The following TOPBP1 variants were observed in gnomAD, a reference collection of about 807,000 sequenced individuals.
The protein encoded by TOPBP1 is DNA topoisomerase 2-binding protein 1.
In TOPBP1, 28 loss-of-function variants were observed where a neutral mutation model predicts 167.7. The ratio of observed to expected loss-of-function variants is 0.17; its 90% CI spans 0.12 to 0.23. The LOEUF is 0.23. Among genes scored for constraint, TOPBP1 ranks in the 10% least tolerant of loss-of-function variants. The pLI, the probability that TOPBP1 is intolerant of heterozygous loss-of-function variation, is 1.00. For missense variants in TOPBP1, 1,554 were observed against 1,809.6 expected (o/e 0.86, Z 2.56); for synonymous variants, 598 against 611.4 (o/e 0.98, Z 0.32).
chr3:133,658,808 A>AAAAAAC (rs914401823), intron 3 of TOPBP1, among the ~76,000 whole-genome samples: 4 of 152,182 alleles, frequency 2.6e-5, no homozygotes, highest in Non-Finnish European at 5.9e-5. Flanking sequence ...CTCTGTCTCC[A>AAAAAAC]AAAAACAAAA....
chr3:133,636,073 A>G (rs1169143899), intron 14 of TOPBP1, among the ~76,000 whole-genome samples: 1 of 68,322 alleles, frequency 1.5e-5, no homozygotes, highest in Non-Finnish European at 3.5e-5. Context: ...GCATAACAAA[A>G]CTATAGTTAT....
At position 133,643,373 on chromosome 3, in the gene TOPBP1, CT is replaced by C; in HGVS notation, c.1849-2del. ...AAGTCTGATAGTCTATGCAAGTAAC[CT>C]TTTAAAAACAAAAGAAATAGTAAAG... On this transcript the variant is annotated splice_acceptor_variant, in intron 11 of 27. Coordinates refer to ENST00000260810, the MANE Select transcript of TOPBP1 (RefSeq NM_007027.4). LOFTEE classifies it high-confidence loss of function. The C allele has an allele frequency of 6.4e-7, 1 of 1,563,578 alleles. No individual in the cohort carries two copies. Among genetic ancestry groups the C allele is most frequent in the Non-Finnish European group, 8.6e-7 (1 of 1,160,254 alleles).
intron 24 of TOPBP1, among the ~76,000 whole-genome samples, chr3:133,611,957 T>G (rs2107773076): frequency 6.6e-6 from 1 of 152,220 alleles, no homozygotes; most frequent in Admixed American, 6.5e-5. Context: ...AGGCTGGTCT[T>G]GAACTCCTAG....
In TOPBP1 at chr3:133,628,875, TAC is replaced by T. The variant is rs1488633841; in HGVS notation, c.2521-144_2521-143del. On this transcript the variant is annotated intron_variant, in intron 14 of 27. Coordinates refer to ENST00000260810, the MANE Select transcript of TOPBP1 (RefSeq NM_007027.4). ...GGGAGAATCCTCAAAATTAATGGAT[TAC>T]AGTTTAACTTCCTCTAGTTTTCCTC... The T allele has an allele frequency of 2.1e-5, 17 of 803,588 alleles. No homozygotes were observed. In the East Asian group the frequency reaches 4.6e-4, roughly 22 times the overall value. 49.8% of individuals were successfully genotyped at this position (803,588 alleles called of 1,614,324 possible).
chr3:133,641,264 C>T (rs1935882224), intron 12 of TOPBP1, among the ~76,000 whole-genome samples: 1 of 152,128 alleles, frequency 6.6e-6, no homozygotes, highest in Non-Finnish European at 1.5e-5. Flanking sequence ...ATCGTAAATT[C>T]CTTTTTACAT....
rs1315599747 is a variant in TOPBP1 at position 133,643,261 on chromosome 3, TAAATG to T, written c.1955_1959del (p.Ser652Ter). On this transcript the variant is annotated frameshift_variant, in exon 12 of 28. Transcript: ENST00000260810. LOFTEE classifies it high-confidence loss of function. ...TCTTTTTCTGCTCCAGCACACTGGC[TAAATG>T]AAATAACACAATCCTCTAAAGGAGT... 6.2e-7 allele frequency: 1 copy of T among 1,612,136 alleles called. No individual in the cohort carries two copies. Among genetic ancestry groups the T allele is most frequent in the Non-Finnish European group, 8.5e-7 (1 of 1,179,280 alleles).
chr3:133,622,890 A>T (rs1192259540), intron 19 of TOPBP1, among the ~76,000 whole-genome samples: 1 of 152,164 alleles, frequency 6.6e-6, no homozygotes, highest in Non-Finnish European at 1.5e-5. Flanking sequence ...ACCACAAATC[A>T]ATCCTCTAAT....
Position 133,644,124 on chromosome 3 carries a change from T to G in TOPBP1, c.1744A>C (p.Ile582Leu). The change falls in exon 11 of 28, where the codon ATC becomes CTC. Residue 582 changes from isoleucine (I) to leucine (L), a missense_variant. Ile to Leu is a conservative substitution (Grantham distance 5). Coordinates refer to ENST00000260810, the MANE Select transcript of TOPBP1 (RefSeq NM_007027.4). ...ACAGTTCTGCTCAGAAGGGACATGA[T>G]TTTCCCAGCATTTTCTTTTATGATG... is the stretch of plus-strand genomic sequence containing the variant. ...ANIIKENAGK[I>L]MSLLSRTVAD... is the part of the protein sequence containing the mutation. 1 of 1,613,958 alleles carries G rather than the reference T, an allele frequency of 6.2e-7. No homozygotes were observed. The highest frequency in any genetic ancestry group is 1.3e-5 in the African/African-American group (1 of 75,048).
intron 10 of TOPBP1, among the ~76,000 whole-genome samples, chr3:133,648,268 G>A (rs1421000895): frequency 6.6e-6 from 1 of 152,224 alleles, no homozygotes; most frequent in African/African-American, 2.4e-5. Context: ...GTTTCTAAAG[G>A]ATATTGTTTT....
intron 14 of TOPBP1, among the ~76,000 whole-genome samples, chr3:133,631,461 T>A (rs906228043): frequency 1.8e-4 from 27 of 152,220 alleles, no homozygotes; most frequent in African/African-American, 4.6e-4. Context: ...AGATTTTTTT[T>A]AATATTGTTT....
chr3:133,643,422 TG>T, intron 11 of TOPBP1, 50 bp from the exon 12 acceptor site: 2 of 1,460,134 alleles, frequency 1.4e-6, no homozygotes, highest in African/African-American at 1.4e-5. Flanking sequence ...AAGCAACCAG[TG>T]GTTAACACTG....
chr3:133,637,103 A>G (rs1427192478), intron 14 of TOPBP1, among the ~76,000 whole-genome samples: 1 of 152,200 alleles, frequency 6.6e-6, no homozygotes. Context: ...CCAAAACACA[A>G]TAAAAATTAT....
At chr3:133,635,332 C>A (rs1559821447) in intron 14 of TOPBP1, among the ~76,000 whole-genome samples, 1 of 152,174 alleles carries the variant, frequency 6.6e-6, no homozygotes, top group Non-Finnish European at 1.5e-5. Context: ...TAGCTCACTG[C>A]AGCCTCAAAC....
chr3:133,628,800 A>G, intron 14 of TOPBP1, 67 bp from the exon 15 acceptor site: 1 of 1,485,030 alleles, frequency 6.7e-7, no homozygotes, highest in Non-Finnish European at 9.1e-7. Flanking sequence ...AGATGGGTTA[A>G]TAGGACAGGA....
intron 11 of TOPBP1, 148 bp from the exon 12 acceptor site, chr3:133,643,520 T>C (rs1447810005): frequency 1.6e-6 from 1 of 609,858 alleles, no homozygotes; most frequent in Admixed American, 3.5e-5. Flanking sequence ...TCAATACATT[T>C]CATATCATAA....
At chr3:133,651,081 A>G (rs1271138851) in intron 8 of TOPBP1, among the ~76,000 whole-genome samples, 1 of 149,462 alleles carries the variant, frequency 6.7e-6, no homozygotes, top group Non-Finnish European at 1.5e-5. Context: ...TGGGCGACAG[A>G]GCAAGTCTCC....
At chr3:133,624,936 T>TC (rs1198684516) in intron 16 of TOPBP1, among the ~76,000 whole-genome samples, 4 of 152,214 alleles carry the variant, frequency 2.6e-5, no homozygotes, top group African/African-American at 9.6e-5. Context: ...AACTATTATA[T>TC]TATGCTATGA....
Position 133,657,828 on chromosome 3 carries a change from T to C in TOPBP1, c.333A>G (p.Ile111Met). 6.4e-7 allele frequency: 1 copy of C among 1,573,676 alleles called. No homozygotes were observed. Among genetic ancestry groups the C allele is most frequent in the Non-Finnish European group, 8.6e-7 (1 of 1,165,490 alleles). ...TTTCTTTTTCCAGACTTGTACAAGA[T>C]ATGGTTACATCAGACATAACCATAT... Reference protein sequence around the residue: ...VYNMVMSDVTISCTSLEKEKR... With the variant: ...VYNMVMSDVTMSCTSLEKEKR... The change falls in exon 4 of 28, where the codon ATA becomes ATG. Residue 111 changes from isoleucine to methionine, a missense_variant. Around this residue, in one of 3 missense-constraint regions of TOPBP1, gnomAD observed 1,197 missense variants for 1,351.5 expected, o/e 0.89. Coordinates refer to ENST00000260810, the MANE Select transcript of TOPBP1 (RefSeq NM_007027.4).
intron 25 of TOPBP1, among the ~76,000 whole-genome samples, chr3:133,609,862 T>C (rs1434028771): frequency 6.6e-6 from 1 of 152,236 alleles, no homozygotes; most frequent in East Asian, 1.9e-4. Context: ...AACCTTTTTG[T>C]AAGCCATGGA....
Sources: allele counts gnomAD v4.1 joint callset (sites outside exome capture counted in the v4.1 genomes callset), GRCh38; gene constraint gnomAD v4.1.1; regional missense constraint gnomAD v4.1.1; transcripts MANE v1.5; gene names NCBI Gene and HGNC (gene_info 2026-07-23, HGNC 2026-07-21).